The following COL28A1 variants were observed in gnomAD, a reference collection of about 807,000 sequenced individuals.
The protein encoded by COL28A1 is collagen type XXVIII alpha 1 chain, also known as collagen alpha-1(XXVIII) chain.
COL28A1 carries 161 observed loss-of-function variants against 150.2 expected under a neutral mutation model. The ratio of observed to expected loss-of-function variants is 1.07; its 90% confidence interval spans 0.94 to 1.22. The LOEUF (loss-of-function observed/expected upper bound fraction) is 1.22, where lower values mean the gene tolerates loss of function less well. Ranked by LOEUF, COL28A1 falls within the 50% of genes most tolerant of loss-of-function variation. The pLI is 0.00. For synonymous variants in COL28A1, 552 were observed against 469.7 expected (o/e 1.18, Z -2.26); for missense variants, 1,617 against 1,388.3 (o/e 1.16, Z -2.62).
chr7:7,506,144 A>G lies in COL28A1; in HGVS notation c.973-77T>C, dbSNP rs1382346186. 3 of 839,910 alleles carry G rather than the reference A, an allele frequency of 3.6e-6. No homozygotes were observed. In the East Asian group the frequency reaches 7.2e-5, roughly 20 times the overall value. The allele number at this position is 839,910 out of a possible 1,614,324, so 52.0% of individuals were successfully genotyped here. The stretch of plus-strand genomic sequence containing the variant: ...GAATGAATCATTCTTTAGGGTCCCT[A>G]GAGATCCTGGCGATCGAAGTTAGAC... On this transcript the variant is annotated intron_variant, in intron 10 of 34. Coordinates refer to ENST00000399429, the MANE Select transcript of COL28A1 (RefSeq NM_001037763.3).
intron 18 of COL28A1, among the ~76,000 whole-genome samples, chr7:7,449,079 A>G (rs1442094862): frequency 6.6e-6 from 1 of 152,118 alleles, no homozygotes; most frequent in Non-Finnish European, 1.5e-5. Context: ...CATATCTCAA[A>G]ACATCAAATT....
At position 7,417,927 on chromosome 7, in the gene COL28A1, C is replaced by A. The variant is rs1562592038; in HGVS notation, c.2068G>T (p.Gly690Cys). ...PRGVGTQGPK[G>C]DTGQKGLPGP... ...GGCAAGCCTTTCTGCCCAGTATCAC[C>A]CTGTTAGAAGATGGGGAGAATTTGA... is the stretch of plus-strand genomic sequence containing the variant. The change falls in exon 27 of 35, where the codon GGT (glycine) becomes TGT (cysteine). Residue 690 changes from glycine to cysteine, a missense_variant and splice_region_variant. Physicochemically the swap from Gly to Cys is radical, Grantham distance 159 (BLOSUM62 -3). Coordinates refer to ENST00000399429, the MANE Select transcript of COL28A1 (RefSeq NM_001037763.3). The A allele has an allele frequency of 6.2e-7, 1 of 1,605,950 alleles. No homozygotes were observed. The highest frequency in any genetic ancestry group is 8.5e-7 in the Non-Finnish European group (1 of 1,177,366).
chr7:7,406,739 T>C lies in COL28A1; in HGVS notation c.2136+11120A>G, dbSNP rs1366237347. 2.6e-5 allele frequency among the ~76,000 whole-genome samples: 4 copies of C among 152,070 alleles called. No homozygotes were observed. The South Asian group carries it at 6.2e-4, about 24-fold the overall frequency. On this transcript the variant is annotated intron_variant, in intron 27 of 34. Transcript: ENST00000399429. ...AGGCTCAAAGGAGTGAATATTGTTT[T>C]TGAGGAACAGGATGAAAGCCAATGT...
intron 11 of COL28A1, among the ~76,000 whole-genome samples, chr7:7,500,847 G>C (rs17168290): frequency 6.6e-6 from 1 of 151,964 alleles, no homozygotes; most frequent in Non-Finnish European, 1.5e-5. Flanking sequence ...AAAAAGTAGG[G>C]TTCGGAAAAG....
At chr7:7,431,822 G>T (rs935418324) in intron 25 of COL28A1, among the ~76,000 whole-genome samples, 4 of 152,182 alleles carry the variant, frequency 2.6e-5, no homozygotes, top group African/African-American at 9.7e-5. Flanking sequence ...CTGCCTGGCA[G>T]AAGCAGAAAG....
intron 18 of COL28A1, among the ~76,000 whole-genome samples, chr7:7,445,054 C>A (rs1732991227): frequency 6.6e-6 from 1 of 152,138 alleles, no homozygotes; most frequent in South Asian, 2.1e-4. Flanking sequence ...GCCTGCTTCC[C>A]CTTCACCTTT....
intron 33 of COL28A1, among the ~76,000 whole-genome samples, chr7:7,370,426 G>C (rs908492103): frequency 1.2e-4 from 19 of 152,162 alleles, no homozygotes; most frequent in Non-Finnish European, 4.4e-5. Flanking sequence ...AGAGTGTTGT[G>C]TTAATCTGTT....
At chr7:7,383,332 G>GC (rs1198898180) in intron 27 of COL28A1, among the ~76,000 whole-genome samples, 1 of 150,532 alleles carries the variant, frequency 6.6e-6, no homozygotes, top group African/African-American at 2.5e-5. Context: ...AGGTTGGAGT[G>GC]CAGTGGTGTG....
chr7:7,531,715 T>C lies in COL28A1; in HGVS notation c.314A>G (p.Asp105Gly), dbSNP rs528948628. The C allele has an allele frequency of 3.7e-6, 6 of 1,604,708 alleles. No homozygotes were observed. In the Admixed American group the frequency reaches 8.3e-5, roughly 22 times the overall value. Residue 105 changes from aspartate (D) to glycine (G), a missense_variant, in exon 3 of 35, where the codon GAT (aspartate) becomes GGT (glycine). Physicochemically the swap from Asp to Gly is moderately conservative, Grantham distance 94. Transcript: ENST00000399429. ...ALQFSSSVQI[D>G]PPFSSWKDLQ... ...GTCCTTCCAGGAAGAAAAAGGTGGA[T>C]CAATTTGGACAGAGCTGCTAAACTG...
chr7:7,417,482 G>C, intron 27 of COL28A1: 1 of 243,596 alleles, frequency 4.1e-6, no homozygotes, highest in Non-Finnish European at 7.5e-6. Flanking sequence ...ATACAGGTGA[G>C]GAAGGTAAGG....
the COL28A1 span, among the ~76,000 whole-genome samples, chr7:7,343,823 C>T: frequency 1.3e-5 from 2 of 151,928 alleles, no homozygotes; most frequent in Non-Finnish European, 2.9e-5. Flanking sequence ...GCCTGAGCAA[C>T]ATAGTGAGAC....
At chr7:7,400,210 T>C (rs1189459632) in intron 27 of COL28A1, among the ~76,000 whole-genome samples, 1 of 152,170 alleles carries the variant, frequency 6.6e-6, no homozygotes, top group African/African-American at 2.4e-5. Context: ...ATGAACCCTA[T>C]TATCCATGGA....
At chr7:7,347,079 T>C in the COL28A1 span, among the ~76,000 whole-genome samples, 2 of 152,128 alleles carry the variant, frequency 1.3e-5, no homozygotes, top group Non-Finnish European at 2.9e-5. Flanking sequence ...AGAAGGCTTT[T>C]TTCCATGGAG....
chr7:7,439,669 A>G (rs1472875344), intron 21 of COL28A1, among the ~76,000 whole-genome samples: 1 of 152,204 alleles, frequency 6.6e-6, no homozygotes, highest in African/African-American at 2.4e-5. Context: ...ACTAGGACAT[A>G]AAGACTAATC....
intron 13 of COL28A1, among the ~76,000 whole-genome samples, chr7:7,488,864 C>G (rs962570135): frequency 6.6e-6 from 1 of 152,138 alleles, no homozygotes; most frequent in African/African-American, 2.4e-5. Context: ...GTTGATTCAT[C>G]TTGTAAGAAG....
Position 7,490,605 on chromosome 7 carries a change from A to G in COL28A1, c.1068T>C (p.Ala356=). ...GPPGPYGSPG[A]PGIGQQGIKG... ...TAATACCTTGCTGTCCAATTCCAGG[A>G]GCTCCTGGAGAACCATAAGGACCAG... Residue 356 remains alanine (A), a synonymous_variant, in exon 12 of 35, where the codon GCT becomes GCC. Transcript: ENST00000399429. The G allele has an allele frequency of 3.6e-6, 5 of 1,395,504 alleles. No individual in the cohort carries two copies. The highest frequency in any genetic ancestry group is 5.1e-6 in the Non-Finnish European group (5 of 981,470). The allele number at this position is 1,395,504 out of a possible 1,614,324, so 86.4% of individuals were successfully genotyped here. A position where few individuals can be genotyped will look rare whatever the true frequency, so the allele number is the denominator to read the frequency against.
At chr7:7,369,838 T>C (rs1408894833) in intron 33 of COL28A1, among the ~76,000 whole-genome samples, 2 of 152,140 alleles carry the variant, frequency 1.3e-5, no homozygotes, top group African/African-American at 4.8e-5. Flanking sequence ...CTCTTTCATG[T>C]ACATGAAGGC....
chr7:7,452,168 CAGT>C (rs1786744850), intron 18 of COL28A1, 148 bp downstream of exon 18: 1 of 1,129,662 alleles, frequency 8.9e-7, no homozygotes, highest in Non-Finnish European at 1.2e-6. Context: ...ATAGCTTTTG[CAGT>C]AGTAGTAGCC....
At chr7:7,523,131 T>A (rs557734352) in intron 4 of COL28A1, among the ~76,000 whole-genome samples, 1 of 151,422 alleles carries the variant, frequency 6.6e-6, no homozygotes, top group South Asian at 2.1e-4. Flanking sequence ...GTATCATAGA[T>A]AAGCTAGCAA....
Sources: gnomAD v4.1 joint callset for allele counts (sites outside exome capture counted in the v4.1 genomes callset) on GRCh38, gnomAD v4.1.1 for gene constraint, MANE v1.5 for transcripts, NCBI Gene and HGNC (gene_info 2026-07-23, HGNC 2026-07-21) for gene names.